The following CGNL1 variants were observed in gnomAD, a reference collection of about 807,000 sequenced individuals.
The protein encoded by CGNL1 is cingulin-like protein 1.
CGNL1 carries 132 observed loss-of-function variants against 141.2 expected under a neutral mutation model. The ratio of observed to expected loss-of-function variants is 0.93; its 90% CI spans 0.81 to 1.08. CGNL1 has a LOEUF of 1.08. CGNL1 is among the 50% of genes least tolerant of loss of function. CGNL1 has a pLI of 0.00. For missense variants in CGNL1, 1,870 were observed against 1,588.6 expected (o/e 1.18, Z -3.01); for synonymous variants, 690 against 622.1 (o/e 1.11, Z -1.63).
At chr15:57,468,510 G>C (rs1271607199) in intron 8 of CGNL1, among the ~76,000 whole-genome samples, 1 of 151,822 alleles carries the variant, frequency 6.6e-6, no homozygotes, top group Non-Finnish European at 1.5e-5. Context: ...GGGGTTATAG[G>C]TGTGACCCAC....
intron 15 of CGNL1, 35 bp from the exon 16 acceptor site, chr15:57,544,438 A>C: frequency 6.2e-7 from 1 of 1,613,556 alleles, no homozygotes; most frequent in Non-Finnish European, 8.5e-7. Flanking sequence ...CGTGGCAGAC[A>C]CATAGCCCCT....
intron 1 of CGNL1, among the ~76,000 whole-genome samples, chr15:57,400,887 T>TAAAA (rs35735890): frequency 2.1e-4 from 16 of 77,900 alleles, no homozygotes; most frequent in East Asian, 7.8e-4. Context: ...TGTCTCAAAT[T>TAAAA]AAAAAAAAAA....
intron 8 of CGNL1, among the ~76,000 whole-genome samples, chr15:57,472,185 A>T (rs1479145826): frequency 1.3e-5 from 2 of 152,122 alleles, no homozygotes; most frequent in African/African-American, 2.4e-5. Context: ...CTGAAGGATG[A>T]ATGGGAATTA....
chr15:57,402,465 C>G (rs771358542), intron 1 of CGNL1, among the ~76,000 whole-genome samples: 2 of 152,176 alleles, frequency 1.3e-5, no homozygotes, highest in Non-Finnish European at 2.9e-5. Context: ...GCCAAATGGA[C>G]TAGCACACCA....
intron 15 of CGNL1, among the ~76,000 whole-genome samples, 187 bp from the exon 16 acceptor site, chr15:57,544,286 C>T (rs191495552): frequency 9.7e-4 from 148 of 152,360 alleles, no homozygotes; most frequent in Non-Finnish European, 1.7e-3. Flanking sequence ...TGGCCTGCAG[C>T]TGAGTTCAGG....
intron 7 of CGNL1, among the ~76,000 whole-genome samples, chr15:57,457,641 C>G (rs1274052548): frequency 6.6e-6 from 1 of 152,152 alleles, no homozygotes; most frequent in South Asian, 2.1e-4. Flanking sequence ...TGAAAGGCAC[C>G]TCTCACATGG....
chr15:57,518,483 C>T lies in CGNL1; in HGVS notation c.2701C>T (p.Leu901=), dbSNP rs747682652. The change falls in exon 10 of 19, where the codon CTG becomes TTG. Residue 901 remains leucine, a synonymous_variant. Transcript: ENST00000281282. The part of the protein sequence containing the change: ...VSARRALENE[L]EAAQGNLSQT... ...AGCCAGAAGGGCCCTGGAGAATGAA[C>T]TGGAGGCTGCTCAGGTAAACACCAA... 17 of 1,609,416 alleles carry T rather than the reference C, an allele frequency of 1.1e-5. No homozygotes were observed. The South Asian group carries it at 1.9e-4, about 18-fold the overall frequency.
chr15:57,430,583 G>A (rs1208092080), intron 1 of CGNL1, among the ~76,000 whole-genome samples: 2 of 152,234 alleles, frequency 1.3e-5, no homozygotes, highest in Non-Finnish European at 2.9e-5. Context: ...AAGTGGGCAA[G>A]GGAAGTGGGA....
chr15:57,524,932 C>A (rs550549987), intron 12 of CGNL1, among the ~76,000 whole-genome samples, 181 bp downstream of exon 12: 72 of 152,298 alleles, frequency 4.7e-4, no homozygotes, highest in African/African-American at 1.7e-3. Context: ...AAAGGACCCA[C>A]CGGCGGACTG....
At chr15:57,469,140 T>C (rs1457004979) in intron 8 of CGNL1, among the ~76,000 whole-genome samples, 1 of 151,128 alleles carries the variant, frequency 6.6e-6, no homozygotes, top group Non-Finnish European at 1.5e-5. Flanking sequence ...TGGTTAGAAG[T>C]AGAGAGTGGG....
chr15:57,480,461 A>C (rs1264881775), intron 8 of CGNL1, among the ~76,000 whole-genome samples: 1 of 152,182 alleles, frequency 6.6e-6, no homozygotes, highest in Non-Finnish European at 1.5e-5. Context: ...CGGAGGTTGC[A>C]GTGAGCTGAG....
intron 1 of CGNL1, among the ~76,000 whole-genome samples, chr15:57,423,616 C>T (rs1374398035): frequency 1.3e-5 from 2 of 152,166 alleles, no homozygotes; most frequent in Non-Finnish European, 2.9e-5. Context: ...CCAGTCTTTG[C>T]CTGCTTAATG....
At chr15:57,452,358 T>A (rs1005470482) in intron 6 of CGNL1, 69 bp downstream of exon 6, 1 of 1,420,886 alleles carries the variant, frequency 7.0e-7, no homozygotes, top group East Asian at 2.4e-5. Context: ...AAACTTTCTG[T>A]CCATTTAATA....
chr15:57,527,976 C>T (rs755908264), intron 12 of CGNL1, among the ~76,000 whole-genome samples: 1 of 152,212 alleles, frequency 6.6e-6, no homozygotes, highest in Non-Finnish European at 1.5e-5. Flanking sequence ...ATTTTGCATT[C>T]AGCTGAGCAC....
rs115603578 is a variant in CGNL1, at chr15:57,466,272, T to C, written c.2403+4380T>C. ...TAAAAAGGAAATGTCTTCTTCTTCC[T>C]TGGGTTCGTGGCCATGGCTGGAACC... On this transcript the variant is annotated intron_variant, in intron 8 of 18. Coordinates refer to ENST00000281282, the MANE Select transcript of CGNL1 (RefSeq NM_032866.5). 3.4e-3 allele frequency among the ~76,000 whole-genome samples: 513 copies of C among 152,332 alleles called. 4 individuals are homozygous for C. Among genetic ancestry groups the C allele is most frequent in the African/African-American group, 0.012 (486 of 41,564 alleles).
chr15:57,507,969 C>T (rs567983936), intron 8 of CGNL1, among the ~76,000 whole-genome samples: 14 of 152,268 alleles, frequency 9.2e-5, no homozygotes, highest in Non-Finnish European at 1.3e-4. Flanking sequence ...ATTTGTCTGT[C>T]GTCATCATAC....
chr15:57,534,014 A>G lies in CGNL1; in HGVS notation c.3291+2235A>G, dbSNP rs527785052. ...CCCAGCCTCTCTGAGCTCAGTCTCT[A>G]AAATCTATCAAAAGGAAGTCATTGA... On this transcript the variant is annotated intron_variant, in intron 14 of 18. Transcript: ENST00000281282. Among the ~76,000 whole-genome samples the G allele has an allele frequency of 1.7e-3, 255 of 152,306 alleles. 2 individuals are homozygous for G. Among genetic ancestry groups the G allele is most frequent in the Non-Finnish European group, 2.9e-3 (196 of 68,028 alleles).
intron 8 of CGNL1, among the ~76,000 whole-genome samples, chr15:57,483,595 C>G (rs1313528817): frequency 6.6e-6 from 1 of 151,414 alleles, no homozygotes; most frequent in Non-Finnish European, 1.5e-5. Flanking sequence ...ATCTATATAC[C>G]TTTTGCTACT....
At chr15:57,440,855 C>G (rs1334313266) in intron 3 of CGNL1, among the ~76,000 whole-genome samples, 2 of 152,028 alleles carry the variant, frequency 1.3e-5, no homozygotes, top group African/African-American at 4.8e-5. Flanking sequence ...AAACACCTCC[C>G]CTCCCCAGAG....
Sources: allele counts gnomAD v4.1 joint callset (sites outside exome capture counted in the v4.1 genomes callset), GRCh38; gene constraint gnomAD v4.1.1; transcripts MANE v1.5; gene names NCBI Gene and HGNC (gene_info 2026-07-23, HGNC 2026-07-21).